Variants in LYPD6 observed in about 807,000 individuals in gnomAD.
LYPD6 encodes LY6/PLAUR domain containing 6.
In LYPD6, 15 loss-of-function variants were observed where a neutral mutation model predicts 22.7. The observed-to-expected ratio is 0.66, with a 90% CI of 0.44 to 1.02. The LOEUF is 1.02. Among genes scored for constraint, LYPD6 ranks in the 50% least tolerant of loss-of-function variants. LYPD6 has a pLI of 0.00. For synonymous variants in LYPD6, 72 were observed against 77.5 expected, an observed-to-expected ratio of 0.93 and a Z score of 0.37; for missense variants, 189 against 208.4, an observed-to-expected ratio of 0.91 and a Z score of 0.57.
intron 3 of LYPD6, chr2:149,464,037 G>A (rs941596727): frequency 5.2e-6 from 2 of 383,786 alleles, no homozygotes; most frequent in East Asian, 8.5e-5. Context: ...GGTAAAAGGT[G>A]TAGAGGATCT....
At chr2:149,485,478 T>A in the LYPD6 span, among the ~76,000 whole-genome samples, 3 of 152,212 alleles carry the variant, frequency 2.0e-5, no homozygotes, top group African/African-American at 7.2e-5. Context: ...CATTGCCATG[T>A]TGCATTGCTG....
At chr2:149,427,988 A>G (rs191770351) in intron 1 of LYPD6, among the ~76,000 whole-genome samples, 31 of 152,358 alleles carry the variant, frequency 2.0e-4, no homozygotes, top group Non-Finnish European at 3.8e-4. Flanking sequence ...AGAAAGAGAA[A>G]TGAACTTTTT....
At chr2:149,455,964 A>G (rs1409007691) in intron 3 of LYPD6, among the ~76,000 whole-genome samples, 1 of 152,240 alleles carries the variant, frequency 6.6e-6, no homozygotes, top group Non-Finnish European at 1.5e-5. Context: ...ACTTCAGGGT[A>G]GAGGAGACTA....
intron 1 of LYPD6, among the ~76,000 whole-genome samples, chr2:149,436,308 G>A (rs1050274338): frequency 4.6e-5 from 7 of 152,162 alleles, no homozygotes; most frequent in Admixed American, 1.3e-4. Flanking sequence ...AATAAAATGA[G>A]TAACCTTGAC....
chr2:149,398,532 C>T (rs1356212722), intron 1 of LYPD6, among the ~76,000 whole-genome samples: 3 of 151,868 alleles, frequency 2.0e-5, no homozygotes, highest in Non-Finnish European at 4.4e-5. Flanking sequence ...AGGGATGCTG[C>T]TTTCCTTACT....
rs1241861735 is a variant in LYPD6, at chr2:149,470,995, A to G, written c.*145A>G. Reference sequence around the variant, plus strand: ...TCACAGCCAAGCATTGCCACTTACCATGAGGAATAAATGTTGCTTCATTGT... The same window carrying G: ...TCACAGCCAAGCATTGCCACTTACCGTGAGGAATAAATGTTGCTTCATTGT... On this transcript the variant is annotated 3_prime_UTR_variant, in exon 5 of 5. Transcript: ENST00000334166. 5.8e-6 allele frequency: 4 copies of G among 692,534 alleles called. No homozygotes were observed. Among genetic ancestry groups the G allele is most frequent in the Non-Finnish European group, 7.1e-6 (3 of 420,974 alleles). 42.9% of individuals were successfully genotyped at this position (692,534 alleles called of 1,614,324 possible).
At chr2:149,395,633 T>C (rs1397549377) in intron 1 of LYPD6, among the ~76,000 whole-genome samples, 1 of 152,164 alleles carries the variant, frequency 6.6e-6, no homozygotes, top group Non-Finnish European at 1.5e-5. Context: ...AGGGAAAATT[T>C]TGTCTTCTCA....
Position 149,330,614 on chromosome 2 carries a change from C to G in LYPD6, c.-180C>G, listed in dbSNP as rs1680916570. ...CGCTCCTTCCCTGAGCTCCCGGGCTCCGGCAGCGGGCTGGCGGGGCGCCGC... is the reference window on the plus strand; with the variant it reads ...CGCTCCTTCCCTGAGCTCCCGGGCTGCGGCAGCGGGCTGGCGGGGCGCCGC... On this transcript the variant is annotated 5_prime_UTR_variant, in exon 1 of 5. Transcript: ENST00000334166. The G allele has an allele frequency of 6.6e-6, 1 of 151,556 alleles. No homozygotes were observed. Among genetic ancestry groups the G allele is most frequent in the Non-Finnish European group, 1.5e-5 (1 of 67,896 alleles). 9.4% of individuals were successfully genotyped at this position (151,556 alleles called of 1,614,324 possible).
At chr2:149,419,419 ACT>A (rs925383272) in intron 1 of LYPD6, among the ~76,000 whole-genome samples, 14 of 152,088 alleles carry the variant, frequency 9.2e-5, no homozygotes, top group Middle Eastern at 3.2e-3. Context: ...TTAATTAAGA[ACT>A]CTACTGTCCA....
chr2:149,483,949 G>A, the LYPD6 span, among the ~76,000 whole-genome samples: 1 of 152,178 alleles, frequency 6.6e-6, no homozygotes, highest in Non-Finnish European at 1.5e-5. Context: ...GGATCAGCAG[G>A]CTAGGTCTCA....
At chr2:149,462,176 T>C (rs929844139) in intron 3 of LYPD6, among the ~76,000 whole-genome samples, 5 of 152,098 alleles carry the variant, frequency 3.3e-5, no homozygotes, top group Middle Eastern at 3.4e-3. Context: ...CTGGAACTAA[T>C]AAATGAGTTC....
At chr2:149,407,060 C>G (rs908334258) in intron 1 of LYPD6, among the ~76,000 whole-genome samples, 1 of 152,042 alleles carries the variant, frequency 6.6e-6, no homozygotes, top group African/African-American at 2.4e-5. Flanking sequence ...GAATATTGGC[C>G]CCCACTCTCT....
chr2:149,400,795 A>G (rs1324853608), intron 1 of LYPD6, among the ~76,000 whole-genome samples: 2 of 152,218 alleles, frequency 1.3e-5, no homozygotes, highest in Admixed American at 1.3e-4. Flanking sequence ...TAATGCTTAA[A>G]TGCACTGTGT....
chr2:149,407,445 T>C (rs558859447), intron 1 of LYPD6, among the ~76,000 whole-genome samples: 1 of 152,312 alleles, frequency 6.6e-6, no homozygotes, highest in South Asian at 2.1e-4. Context: ...TTTATTCTTT[T>C]TTCTCTAAAC....
intron 1 of LYPD6, among the ~76,000 whole-genome samples, chr2:149,404,500 G>A (rs977775706): frequency 1.3e-5 from 2 of 152,132 alleles, no homozygotes; most frequent in African/African-American, 4.8e-5. Context: ...AAGCAGTTGT[G>A]AATGGGAGTT....
At chr2:149,386,986 C>T (rs962929553) in intron 1 of LYPD6, among the ~76,000 whole-genome samples, 1 of 152,136 alleles carries the variant, frequency 6.6e-6, no homozygotes, top group Non-Finnish European at 1.5e-5. Flanking sequence ...GCACTCTGTC[C>T]CCACCCCCAA....
At chr2:149,390,211 A>T (rs892351917) in intron 1 of LYPD6, among the ~76,000 whole-genome samples, 11 of 152,308 alleles carry the variant, frequency 7.2e-5, no homozygotes, top group African/African-American at 2.6e-4. Flanking sequence ...TTAACCATGC[A>T]ATGGTTAGTC....
At chr2:149,392,915 T>C (rs1682344157) in intron 1 of LYPD6, among the ~76,000 whole-genome samples, 2 of 152,102 alleles carry the variant, frequency 1.3e-5, no homozygotes, top group Admixed American at 1.3e-4. Context: ...TAGTTCCAGC[T>C]ACTTGGGAGG....
intron 1 of LYPD6, among the ~76,000 whole-genome samples, chr2:149,368,817 G>A (rs1354344235): frequency 1.3e-5 from 2 of 152,112 alleles, no homozygotes; most frequent in African/African-American, 4.8e-5. Flanking sequence ...CATCAAGACA[G>A]GGTGATGGCA....
Sources: allele counts gnomAD v4.1 joint callset (sites outside exome capture counted in the v4.1 genomes callset), GRCh38; gene constraint gnomAD v4.1.1; transcripts MANE v1.5; gene names NCBI Gene and HGNC (gene_info 2026-07-23, HGNC 2026-07-21).